The following CSNK1G3 variants were observed in gnomAD, a reference collection of about 807,000 sequenced individuals.
CSNK1G3 encodes casein kinase 1 gamma 3.
In CSNK1G3, 23 loss-of-function variants were observed where a neutral mutation model predicts 64.3. That is an observed-to-expected ratio of 0.36 (90% CI 0.26 to 0.51). The LOEUF is 0.51. CSNK1G3 is among the 20% of genes least tolerant of loss of function. The probability of loss-of-function intolerance (pLI) is 0.96; values close to 1 mark genes in which losing one functional copy is unlikely to be tolerated. For synonymous variants in CSNK1G3, 158 were observed against 162.2 expected (o/e 0.97, Z 0.20); for missense variants, 357 against 510.5 (o/e 0.70, Z 2.90).
chr5:123,526,804 A>G (rs149523018), intron 1 of CSNK1G3, among the ~76,000 whole-genome samples: 195 of 149,506 alleles, frequency 1.3e-3, no homozygotes, highest in African/African-American at 3.5e-3. Context: ...ACATTTATCT[A>G]TTTGCCCATT....
At chr5:123,565,496 C>T (rs536201075) in intron 4 of CSNK1G3, among the ~76,000 whole-genome samples, 2 of 152,182 alleles carry the variant, frequency 1.3e-5, no homozygotes, top group African/African-American at 2.4e-5. Context: ...TTTAGGTTTT[C>T]TTAATCAGAG....
At chr5:123,607,294 C>T (rs1795522526) in intron 12 of CSNK1G3, among the ~76,000 whole-genome samples, 1 of 152,138 alleles carries the variant, frequency 6.6e-6, no homozygotes, top group African/African-American at 2.4e-5. Context: ...CTATGTTATC[C>T]TCTGTATGTA....
At chr5:123,565,097 T>C (rs1425768291) in intron 4 of CSNK1G3, among the ~76,000 whole-genome samples, 4 of 152,224 alleles carry the variant, frequency 2.6e-5, no homozygotes, top group East Asian at 3.8e-4. Flanking sequence ...TTTGTTGATA[T>C]ACTTTCCAAA....
chr5:123,602,552 A>G (rs1794683461), intron 10 of CSNK1G3, among the ~76,000 whole-genome samples: 1 of 152,166 alleles, frequency 6.6e-6, no homozygotes, highest in African/African-American at 2.4e-5. Context: ...CTTTTATTTC[A>G]TTTAAAGAGA....
intron 1 of CSNK1G3, among the ~76,000 whole-genome samples, chr5:123,537,565 A>G (rs1561476514): frequency 1.3e-5 from 2 of 152,158 alleles, no homozygotes; most frequent in African/African-American, 2.4e-5. Context: ...TACCCCATAG[A>G]TTTGTACAAA....
At chr5:123,513,263 T>C (rs948448366) in intron 1 of CSNK1G3, among the ~76,000 whole-genome samples, 1 of 152,138 alleles carries the variant, frequency 6.6e-6, no homozygotes, top group Non-Finnish European at 1.5e-5. Flanking sequence ...CTGAGAAGCA[T>C]CGGGTCTCTT....
chr5:123,564,051 C>G (rs1208768920), intron 4 of CSNK1G3, among the ~76,000 whole-genome samples: 1 of 151,912 alleles, frequency 6.6e-6, no homozygotes, highest in Non-Finnish European at 1.5e-5. Context: ...TTAGAGATCT[C>G]TCTGTATGGA....
At chr5:123,592,807 G>C (rs1792637134) in intron 10 of CSNK1G3, among the ~76,000 whole-genome samples, 1 of 151,278 alleles carries the variant, frequency 6.6e-6, no homozygotes, top group Non-Finnish European at 1.5e-5. Flanking sequence ...TAGAAAAATT[G>C]GTACTATAAA....
At chr5:123,555,778 TG>T (rs1345326610) in intron 3 of CSNK1G3, among the ~76,000 whole-genome samples, 25 of 152,204 alleles carry the variant, frequency 1.6e-4, no homozygotes, top group African/African-American at 6.0e-4. Flanking sequence ...AAGTCAGATT[TG>T]GGTCAGTATT....
At chr5:123,568,122 G>A (rs1044425738) in intron 4 of CSNK1G3, among the ~76,000 whole-genome samples, 1 of 152,198 alleles carries the variant, frequency 6.6e-6, no homozygotes, top group Non-Finnish European at 1.5e-5. Flanking sequence ...TGTGCGGTCG[G>A]TGTTGTGGTG....
intron 1 of CSNK1G3, among the ~76,000 whole-genome samples, chr5:123,543,866 A>C (rs1394871832): frequency 6.6e-6 from 1 of 152,210 alleles, no homozygotes; most frequent in Non-Finnish European, 1.5e-5. Context: ...TGCAAATAAG[A>C]ATATGGCAAA....
chr5:123,546,835 C>G (rs928370798), intron 2 of CSNK1G3, among the ~76,000 whole-genome samples: 4 of 152,036 alleles, frequency 2.6e-5, no homozygotes, highest in East Asian at 1.9e-4. Context: ...AAAGTTGATA[C>G]ACATTAAATA....
chr5:123,563,713 A>G (rs1009354626), intron 4 of CSNK1G3, among the ~76,000 whole-genome samples: 5 of 152,092 alleles, frequency 3.3e-5, no homozygotes, highest in Admixed American at 6.6e-5. Context: ...TACCAGATCA[A>G]GTTTCTCAGA....
chr5:123,559,048 A>C (rs903117224), intron 4 of CSNK1G3, among the ~76,000 whole-genome samples: 1 of 152,208 alleles, frequency 6.6e-6, no homozygotes, highest in Non-Finnish European at 1.5e-5. Context: ...TTATGAAAGC[A>C]TCTCTTTCCT....
chr5:123,588,367 A>T, intron 7 of CSNK1G3, 60 bp from the exon 8 acceptor site: 1 of 1,315,468 alleles, frequency 7.6e-7, no homozygotes, highest in South Asian at 1.2e-5. Flanking sequence ...TACCGTGTGC[A>T]GTCCCAGCTA....
chr5:123,575,069 A>C (rs1176060366), intron 5 of CSNK1G3, among the ~76,000 whole-genome samples: 1 of 152,136 alleles, frequency 6.6e-6, no homozygotes, highest in African/African-American at 2.4e-5. Flanking sequence ...GTAATACTCT[A>C]TTTTATGACA....
intron 1 of CSNK1G3, among the ~76,000 whole-genome samples, chr5:123,533,062 T>C (rs1329497404): frequency 6.6e-6 from 1 of 151,972 alleles, no homozygotes; most frequent in African/African-American, 2.4e-5. Flanking sequence ...CCCTTCTGTC[T>C]TTAAATTTTT....
chr5:123,561,024 A>G (rs1785592359), intron 4 of CSNK1G3, among the ~76,000 whole-genome samples: 1 of 152,180 alleles, frequency 6.6e-6, no homozygotes, highest in South Asian at 2.1e-4. Flanking sequence ...ATTTAGAATT[A>G]TTTAGTGGGG....
intron 4 of CSNK1G3, among the ~76,000 whole-genome samples, chr5:123,560,844 G>C (rs1785560552): frequency 6.6e-6 from 1 of 152,096 alleles, no homozygotes; most frequent in Non-Finnish European, 1.5e-5. Context: ...TTGTTCATTG[G>C]GTAAGAGTTT....
Sources: allele counts gnomAD v4.1 joint callset (sites outside exome capture counted in the v4.1 genomes callset), GRCh38; gene constraint gnomAD v4.1.1; transcripts MANE v1.5; gene names NCBI Gene and HGNC (gene_info 2026-07-23, HGNC 2026-07-21).